NFATC1: variants seen among roughly 807,000 people sequenced by gnomAD.
The protein encoded by NFATC1 is nuclear factor of activated T-cells, cytoplasmic 1.
Under a neutral mutation model 76.0 loss-of-function variants are expected in NFATC1, and 22 were observed. The observed-to-expected ratio is 0.29, with a 90% confidence interval of 0.21 to 0.41. NFATC1 has a LOEUF of 0.41. Among genes scored for constraint, NFATC1 ranks in the 10% least tolerant of loss-of-function variants. The pLI is 1.00. For missense variants in NFATC1, 1,357 were observed against 1,337.7 expected (o/e 1.01, Z -0.23); for synonymous variants, 704 against 613.1 (o/e 1.15, Z -2.19).
At chr18:79,512,669 G>A (rs540572101) in intron 9 of NFATC1, among the ~76,000 whole-genome samples, 32 of 152,218 alleles carry the variant, frequency 2.1e-4, no homozygotes, top group South Asian at 4.1e-4. Flanking sequence ...TTGCTGAGCC[G>A]TGGTCTGTCC....
At chr18:79,470,523 C>T (rs750933288) in intron 8 of NFATC1, 1 of 152,214 alleles carries the variant, frequency 6.6e-6, no homozygotes, top group Non-Finnish European at 1.5e-5. Context: ...GTAGGTTTTC[C>T]TTCAAAATTG....
intron 7 of NFATC1, among the ~76,000 whole-genome samples, chr18:79,462,970 G>A (rs1279215250): frequency 1.3e-5 from 2 of 152,212 alleles, no homozygotes; most frequent in African/African-American, 2.4e-5. Flanking sequence ...CTGTTGGTGG[G>A]ACGATCGGTG....
intron 9 of NFATC1, among the ~76,000 whole-genome samples, chr18:79,500,820 C>G (rs1230585716): frequency 6.6e-6 from 1 of 152,062 alleles, no homozygotes; most frequent in African/African-American, 2.4e-5. Flanking sequence ...TATAATAGAC[C>G]TATAGCAGGG....
chr18:79,488,979 G>C (rs1184450331), intron 9 of NFATC1, among the ~76,000 whole-genome samples: 1 of 152,204 alleles, frequency 6.6e-6, no homozygotes, highest in Non-Finnish European at 1.5e-5. Flanking sequence ...AGCAGCGGCA[G>C]TGCTGGGGGC....
At chr18:79,508,828 C>T (rs748467617) in intron 9 of NFATC1, among the ~76,000 whole-genome samples, 10 of 151,770 alleles carry the variant, frequency 6.6e-5, no homozygotes, top group African/African-American at 2.2e-4. Context: ...CATCTCCCTC[C>T]GTGTGTCTCT....
rs781550897 is a variant in NFATC1 at position 79,427,053 on chromosome 18, G to A, written c.1227-6526G>A. Among the ~76,000 whole-genome samples, 255 of 152,188 alleles carry A rather than the reference G, an allele frequency of 1.7e-3. 1 individual carries two copies. Among genetic ancestry groups the A allele is most frequent in the Non-Finnish European group, 2.9e-3 (197 of 68,030 alleles). ...CAGAAGCTGTGGCCACATGAGCTGGGCTCTGGGTGCGGCTGTGGCCATTGA... is the reference window on the plus strand; with the variant it reads ...CAGAAGCTGTGGCCACATGAGCTGGACTCTGGGTGCGGCTGTGGCCATTGA... On this transcript the variant is annotated intron_variant, in intron 2 of 9. Transcript: ENST00000427363.
rs548794423 is a variant in NFATC1, at chr18:79,487,346, G to A, written c.2782+409G>A. Among the ~76,000 whole-genome samples the A allele has an allele frequency of 1.9e-3, 294 of 152,334 alleles. 1 individual carries two copies. The highest frequency in any genetic ancestry group is 2.2e-3 in the Non-Finnish European group (150 of 68,018). On this transcript the variant is annotated intron_variant, in intron 9 of 9. Coordinates refer to ENST00000427363, the MANE Select transcript of NFATC1 (RefSeq NM_001278669.2). ...GCATCGTGGGTGCCGCCTGAGTCCCGTGAATGGTTTGTAGACAACAGCTTA... is the reference window on the plus strand; with the variant it reads ...GCATCGTGGGTGCCGCCTGAGTCCCATGAATGGTTTGTAGACAACAGCTTA...
chr18:79,481,558 G>A (rs2089271769), intron 8 of NFATC1, among the ~76,000 whole-genome samples: 1 of 152,262 alleles, frequency 6.6e-6, no homozygotes, highest in Non-Finnish European at 1.5e-5. Context: ...AGCCCCAGAG[G>A]CAGCCACATT....
intron 9 of NFATC1, among the ~76,000 whole-genome samples, chr18:79,501,024 G>A (rs557265973): frequency 3.3e-5 from 5 of 150,542 alleles, no homozygotes; most frequent in East Asian, 3.9e-4. Flanking sequence ...CAAAAGTATC[G>A]TAAGAAAAAC....
chr18:79,430,582 C>T (rs372744820), intron 2 of NFATC1, among the ~76,000 whole-genome samples: 9 of 152,198 alleles, frequency 5.9e-5, no homozygotes, highest in African/African-American at 1.7e-4. Flanking sequence ...GGGGTTTCAC[C>T]CTGTTGGCCA....
chr18:79,410,172 G>A lies in NFATC1; in HGVS notation c.128-231G>A. The A allele has an allele frequency of 1.3e-6, 1 of 763,290 alleles. No homozygotes were observed. The highest frequency in any genetic ancestry group is 2.5e-5 in the East Asian group (1 of 40,668). 47.3% of individuals were successfully genotyped at this position (763,290 alleles called of 1,614,324 possible). On this transcript the variant is annotated intron_variant, in intron 1 of 9. Transcript: ENST00000427363. This position sits in a 1 kb window ranked among gnomAD's most constrained non-coding sequence, Gnocchi z 6.7. ...TTGTGCTGCTGTTAGGGGAGGAGGG[G>A]AGGTGGGCAGTGAGGGGCTCACGGG...
At chr18:79,473,195 C>T (rs1300416437) in intron 8 of NFATC1, among the ~76,000 whole-genome samples, 1 of 152,246 alleles carries the variant, frequency 6.6e-6, no homozygotes, top group Non-Finnish European at 1.5e-5. Context: ...AGCCCAGCTG[C>T]CGAGTGCTTC....
intron 9 of NFATC1, among the ~76,000 whole-genome samples, chr18:79,492,458 C>G (rs1435839700): frequency 6.6e-6 from 1 of 151,782 alleles, no homozygotes; most frequent in Non-Finnish European, 1.5e-5. Context: ...GCCTGTAATC[C>G]CTGTACTTTG....
chr18:79,456,450 G>A lies in NFATC1; in HGVS notation c.1903+4634G>A, dbSNP rs1046746972. On this transcript the variant is annotated intron_variant, in intron 6 of 9. Coordinates refer to ENST00000427363, the MANE Select transcript of NFATC1 (RefSeq NM_001278669.2). ...GGAGGTTCACCCACCCCAGGGTGTC[G>A]CGGAAGCCCCGAGGCCCCTGCAGGC... Among the ~76,000 whole-genome samples the A allele has an allele frequency of 1.1e-4, 17 of 152,312 alleles. No individual in the cohort carries two copies. The South Asian group carries it at 1.2e-3, about 11-fold the overall frequency.
intron 8 of NFATC1, among the ~76,000 whole-genome samples, chr18:79,474,525 T>C (rs1298902461): frequency 6.8e-6 from 1 of 146,066 alleles, no homozygotes; most frequent in African/African-American, 2.6e-5. Flanking sequence ...AAGCGTGTTC[T>C]CACACTCACT....
intron 2 of NFATC1, among the ~76,000 whole-genome samples, chr18:79,427,896 GAGGGGGGT>G (rs1568949291): frequency 4.2e-5 from 6 of 141,568 alleles, no homozygotes; most frequent in Non-Finnish European, 9.3e-5. Context: ...GTGAGTCGGG[GAGGGGGGT>G]GGCTAGACAG....
intron 3 of NFATC1, among the ~76,000 whole-genome samples, chr18:79,444,139 A>G (rs1269960741): frequency 6.6e-6 from 1 of 152,188 alleles, no homozygotes; most frequent in Admixed American, 6.5e-5. Context: ...TTTTTCTAGA[A>G]CTTCCCAGAG....
Position 79,451,626 on chromosome 18 carries a change from A to G in NFATC1, c.1763-50A>G, listed in dbSNP as rs1202368742. 5 of 1,468,938 alleles carry G rather than the reference A, an allele frequency of 3.4e-6. No homozygotes were observed. In the Admixed American group the frequency reaches 1.2e-4, roughly 34 times the overall value. The allele number at this position is 1,468,938 out of a possible 1,614,324, so 91.0% of individuals were successfully genotyped here. A position where few individuals can be genotyped will look rare whatever the true frequency, so the allele number is the denominator to read the frequency against. ...CTGCTGGGTGCCACACGTGTGCCCC[A>G]GGCCGCCCACTCAGGACAGGCCCTC... On this transcript the variant is annotated intron_variant, in intron 5 of 9. Transcript: ENST00000427363.
chr18:79,397,919 G>A (rs571569964), intron 1 of NFATC1, among the ~76,000 whole-genome samples: 2 of 152,330 alleles, frequency 1.3e-5, no homozygotes, highest in African/African-American at 4.8e-5. Context: ...CGACATGGGT[G>A]TATTTTATGA....
Sources: gnomAD v4.1 joint callset for allele counts (sites outside exome capture counted in the v4.1 genomes callset) on GRCh38, gnomAD v4.1.1 for gene constraint, Gnocchi (gnomAD v3.1) non-coding constraint, MANE v1.5 for transcripts, NCBI Gene and HGNC (gene_info 2026-07-23, HGNC 2026-07-21) for gene names.